Variants in CAMKMT observed in about 807,000 individuals in gnomAD.
CAMKMT encodes calmodulin-lysine N-methyltransferase.
CAMKMT carries 53 observed loss-of-function variants against 48.0 expected under a neutral mutation model. That is an observed-to-expected ratio of 1.10 (90% CI 0.89 to 1.39). The LOEUF (loss-of-function observed/expected upper bound fraction) is 1.39. Among genes scored for constraint, CAMKMT ranks in the 40% most tolerant of loss-of-function variants. CAMKMT has a pLI of 0.00. For synonymous variants in CAMKMT, 165 were observed against 152.3 expected (o/e 1.08, Z -0.61); for missense variants, 428 against 402.7 (o/e 1.06, Z -0.54).
chr2:44,399,208 C>T (rs1682134428), intron 3 of CAMKMT, among the ~76,000 whole-genome samples: 1 of 152,126 alleles, frequency 6.6e-6, no homozygotes, highest in African/African-American at 2.4e-5. Flanking sequence ...ACTTCTGTAT[C>T]ACTTAATTTC....
At chr2:44,413,219 C>G (rs1338195208) in intron 3 of CAMKMT, among the ~76,000 whole-genome samples, 1 of 152,182 alleles carries the variant, frequency 6.6e-6, no homozygotes, top group East Asian at 1.9e-4. Context: ...CTTGAGTGAT[C>G]CTATACATTA....
intron 3 of CAMKMT, among the ~76,000 whole-genome samples, chr2:44,570,239 C>T (rs1020556075): frequency 6.6e-6 from 1 of 152,128 alleles, no homozygotes; most frequent in Non-Finnish European, 1.5e-5. Flanking sequence ...TCTTTAAACT[C>T]TATTCAATAA....
At chr2:44,365,807 ATT>A (rs907893111) in intron 1 of CAMKMT, among the ~76,000 whole-genome samples, 1 of 152,242 alleles carries the variant, frequency 6.6e-6, no homozygotes, top group African/African-American at 2.4e-5. Flanking sequence ...TTACACACGT[ATT>A]TACAAACCAC....
intron 7 of CAMKMT, among the ~76,000 whole-genome samples, chr2:44,725,047 A>G (rs552317581): frequency 1.3e-5 from 2 of 152,090 alleles, no homozygotes; most frequent in Non-Finnish European, 2.9e-5. Context: ...CCTCAAGACT[A>G]TCCCAGCTGA....
At chr2:44,567,856 T>C (rs1290814650) in intron 3 of CAMKMT, among the ~76,000 whole-genome samples, 1 of 152,186 alleles carries the variant, frequency 6.6e-6, no homozygotes, top group Non-Finnish European at 1.5e-5. Flanking sequence ...CTGCTCTCTT[T>C]GGATCGAGAG....
At chr2:44,559,744 G>C (rs949105846) in intron 3 of CAMKMT, among the ~76,000 whole-genome samples, 3 of 152,062 alleles carry the variant, frequency 2.0e-5, no homozygotes, top group African/African-American at 4.8e-5. Flanking sequence ...AACAGTTATT[G>C]ATTTAAATTT....
intron 3 of CAMKMT, among the ~76,000 whole-genome samples, chr2:44,541,062 A>T (rs1353895819): frequency 6.6e-6 from 1 of 152,038 alleles, no homozygotes. Flanking sequence ...GTTCTATTCT[A>T]TTGGTCAGTC....
intron 3 of CAMKMT, among the ~76,000 whole-genome samples, chr2:44,490,369 G>A (rs1239109723): frequency 3.3e-5 from 5 of 151,960 alleles, no homozygotes; most frequent in East Asian, 1.9e-4. Context: ...TCCGCCTCCC[G>A]GGTTCAAGTG....
intron 3 of CAMKMT, among the ~76,000 whole-genome samples, chr2:44,411,118 G>T (rs1683172957): frequency 6.6e-6 from 1 of 152,118 alleles, no homozygotes; most frequent in Admixed American, 6.5e-5. Context: ...ATTTGATTTA[G>T]TTTTTTAAAA....
intron 3 of CAMKMT, chr2:44,400,941 T>A (rs1682317892): frequency 8.9e-6 from 1 of 112,522 alleles, no homozygotes; most frequent in African/African-American, 3.4e-5. Flanking sequence ...TATATATATA[T>A]ATATATATAT....
chr2:44,474,508 G>C (rs1034793070), intron 3 of CAMKMT, among the ~76,000 whole-genome samples: 3 of 151,766 alleles, frequency 2.0e-5, no homozygotes, highest in African/African-American at 7.3e-5. Context: ...GGTAAGTAGT[G>C]AGTAAGAGAG....
At chr2:44,491,150 CA>C (rs201007456) in intron 3 of CAMKMT, among the ~76,000 whole-genome samples, 13,847 of 114,094 alleles carry the variant, frequency 0.12, 651 homozygotes, top group Non-Finnish European at 0.15. Context: ...GACCTTGTCT[CA>C]AAAAAAAAAA....
At chr2:44,677,242 T>A (rs1260334810) in intron 3 of CAMKMT, among the ~76,000 whole-genome samples, 2 of 152,234 alleles carry the variant, frequency 1.3e-5, no homozygotes, top group African/African-American at 2.4e-5. Context: ...AGAGGCAGCA[T>A]GAGCTTATTC....
At chr2:44,401,509 AT>A (rs1167126542) in intron 3 of CAMKMT, among the ~76,000 whole-genome samples, 4 of 152,040 alleles carry the variant, frequency 2.6e-5, no homozygotes, top group African/African-American at 9.7e-5. Flanking sequence ...GTGAGCTGAG[AT>A]TGTGTCACTG....
chr2:44,587,423 T>G (rs1669917176), intron 3 of CAMKMT, among the ~76,000 whole-genome samples: 1 of 151,770 alleles, frequency 6.6e-6, no homozygotes, highest in Non-Finnish European at 1.5e-5. Context: ...TTAAAAAATT[T>G]TTAGCTCTCC....
At chr2:44,639,528 G>T (rs895824659) in intron 3 of CAMKMT, among the ~76,000 whole-genome samples, 1 of 152,176 alleles carries the variant, frequency 6.6e-6, no homozygotes, top group South Asian at 2.1e-4. Flanking sequence ...TACTTCATAA[G>T]GTTGTAATGA....
chr2:44,527,393 A>G (rs891842310), intron 3 of CAMKMT, among the ~76,000 whole-genome samples: 36 of 140,040 alleles, frequency 2.6e-4, no homozygotes, highest in African/African-American at 3.9e-4. Flanking sequence ...TATATAATAT[A>G]TATGTATATA....
chr2:44,503,978 G>A (rs698831), intron 3 of CAMKMT, among the ~76,000 whole-genome samples: 100,320 of 146,258 alleles, frequency 0.69, 34,250 homozygotes, highest in Admixed American at 0.76. Context: ...GGGGAAGAGC[G>A]GGTGGGGAGA....
intron 3 of CAMKMT, among the ~76,000 whole-genome samples, chr2:44,614,953 T>TTTTTTTTTTTTTTTTTC (rs1459090690): frequency 7.5e-6 from 1 of 133,418 alleles, no homozygotes; most frequent in African/African-American, 3.0e-5. Flanking sequence ...TTTTTTTTTT[T>TTTTTTTTTTTTTTTTTC]TTTTTTTGAG....
Sources: allele counts gnomAD v4.1 joint callset (sites outside exome capture counted in the v4.1 genomes callset), GRCh38; gene constraint gnomAD v4.1.1; transcripts MANE v1.5; gene names NCBI Gene and HGNC (gene_info 2026-07-23, HGNC 2026-07-21).